The following SCGB2B2 variants were observed in gnomAD, a reference collection of about 807,000 sequenced individuals.
The protein encoded by SCGB2B2 is secretoglobin family 2B member 2.
In SCGB2B2, 11 loss-of-function variants were observed where a neutral mutation model predicts 7.6. The observed-to-expected ratio is 1.45, with a 90% CI of 0.91 to 2.40. The LOEUF (loss-of-function observed/expected upper bound fraction) is 2.40, where lower values mean the gene tolerates loss of function less well. Ranked by LOEUF, SCGB2B2 falls within the 30% of genes most tolerant of loss-of-function variation. The pLI, the probability that SCGB2B2 is intolerant of heterozygous loss-of-function variation, is 0.00. For synonymous variants in SCGB2B2, 50 were observed against 48.6 expected (o/e 1.03, Z -0.12); for missense variants, 104 against 115.4 (o/e 0.90, Z 0.45).
intron 1 of SCGB2B2, among the ~76,000 whole-genome samples, chr19:34,649,220 C>G (rs2067100353): frequency 1.3e-5 from 2 of 152,112 alleles, no homozygotes; most frequent in Non-Finnish European, 2.9e-5. Flanking sequence ...TCTTTCACAA[C>G]TAGGACTGAC....
chr19:34,606,047 A>AT (rs747523207), intron 1 of SCGB2B2, among the ~76,000 whole-genome samples: 6 of 150,144 alleles, frequency 4.0e-5, no homozygotes, highest in South Asian at 2.1e-4. Flanking sequence ...AGTTACTAAA[A>AT]TTTTTTTTTT....
rs924486826 is a variant in SCGB2B2 at position 34,653,677 on chromosome 19, T to C, written c.-2032+21953A>G. Among the ~76,000 whole-genome samples the C allele has an allele frequency of 2.1e-4, 31 of 151,112 alleles. 4 individuals are homozygous for C. Among genetic ancestry groups the C allele is most frequent in the African/African-American group, 6.7e-4 (27 of 40,504 alleles). On this transcript the variant is annotated intron_variant, in intron 1 of 3. Coordinates refer to ENST00000601241, the MANE Select transcript of SCGB2B2 (RefSeq NM_001025591.4). ...GAATAGTTCAACACATGCCAATGAATCAATATGACATTCCACATTAACAAA... is the reference window on the plus strand; with the variant it reads ...GAATAGTTCAACACATGCCAATGAACCAATATGACATTCCACATTAACAAA...
intron 1 of SCGB2B2, among the ~76,000 whole-genome samples, chr19:34,655,473 G>A (rs1568441463): frequency 6.6e-6 from 1 of 150,840 alleles, no homozygotes; most frequent in East Asian, 1.9e-4. Context: ...AGACCTGGAT[G>A]CCCCCCCAAC....
intron 1 of SCGB2B2, among the ~76,000 whole-genome samples, chr19:34,612,065 G>T (rs1353415363): frequency 2.1e-4 from 18 of 84,510 alleles, no homozygotes; most frequent in East Asian, 4.6e-4. Flanking sequence ...TTTTAGGATA[G>T]TCTCACTCTG....
rs903327856 is a variant in SCGB2B2 at position 34,592,957 on chromosome 19, G to C, written c.*598C>G. 6.6e-6 allele frequency among the ~76,000 whole-genome samples: 1 copy of C among 152,094 alleles called. No homozygotes were observed. The highest frequency in any genetic ancestry group is 2.4e-5 in the African/African-American group (1 of 41,422). On this transcript the variant is annotated 3_prime_UTR_variant, in exon 4 of 4. Coordinates refer to ENST00000601241, the MANE Select transcript of SCGB2B2 (RefSeq NM_001025591.4). ...TTGAGGGGTTGTGGGGTAGAGGTAG[G>C]GGGAGAAAAAAGGACAGCTTGGGTA...
intron 1 of SCGB2B2, among the ~76,000 whole-genome samples, chr19:34,608,457 C>A (rs1419699463): frequency 6.6e-6 from 1 of 150,804 alleles, no homozygotes; most frequent in East Asian, 2.0e-4. Context: ...ACCCCTCTCC[C>A]AAACTTTTCC....
At chr19:34,608,879 A>T (rs1031448476) in intron 1 of SCGB2B2, 3 of 151,286 alleles carry the variant, frequency 2.0e-5, no homozygotes, top group African/African-American at 7.3e-5. Context: ...TGGTAATTCT[A>T]TTTTTGTTTT....
chr19:34,596,930 G>A (rs1476922864), intron 1 of SCGB2B2, among the ~76,000 whole-genome samples: 3 of 151,948 alleles, frequency 2.0e-5, no homozygotes, highest in East Asian at 2.0e-4. Context: ...GCTGCAAGTG[G>A]AGCCAGCTGG....
chr19:34,636,843 G>C (rs7249277), intron 1 of SCGB2B2, among the ~76,000 whole-genome samples: 143,938 of 152,226 alleles, frequency 0.95, 68,445 homozygotes, highest in Middle Eastern at 0.99. Context: ...GCCAGTCCCC[G>C]CCAGAGTCCC....
chr19:34,608,664 T>TATATATATGC (rs2065845956), intron 1 of SCGB2B2: 1 of 50,618 alleles, frequency 2.0e-5, no homozygotes, highest in Admixed American at 1.8e-4. Context: ...TCATTGCATA[T>TATATATATGC]ATATATATAT....
chr19:34,647,821 T>G (rs2067062580), intron 1 of SCGB2B2, among the ~76,000 whole-genome samples: 1 of 152,144 alleles, frequency 6.6e-6, no homozygotes, highest in Admixed American at 6.5e-5. Context: ...GGAAATGTGA[T>G]CGGGTGGGAC....
rs1231627232 is a variant in SCGB2B2, at chr19:34,674,146, C to G, written c.-2032+1484G>C. 2.0e-5 allele frequency among the ~76,000 whole-genome samples: 3 copies of G among 152,306 alleles called. No homozygotes were observed. The East Asian group carries it at 5.8e-4, about 29-fold the overall frequency. The stretch of plus-strand genomic sequence containing the variant: ...CTCATAATGGGAAACCACCATAATT[C>G]TTCCAGTGAGATCATGAGGAAAAGC... On this transcript the variant is annotated intron_variant, in intron 1 of 3. Coordinates refer to ENST00000601241, the MANE Select transcript of SCGB2B2 (RefSeq NM_001025591.4).
chr19:34,671,857 A>T (rs1377279613), intron 1 of SCGB2B2, among the ~76,000 whole-genome samples: 1 of 152,136 alleles, frequency 6.6e-6, no homozygotes, highest in Admixed American at 6.5e-5. Context: ...CACAGATTCT[A>T]TGGGATTTTC....
At chr19:34,588,801 G>A (rs556240712), downstream of SCGB2B2, among the ~76,000 whole-genome samples, 20 of 152,174 alleles carry the variant, frequency 1.3e-4, no homozygotes, top group South Asian at 2.1e-3. Context: ...TGGGGTGACC[G>A]ATGGATGGAG....
At position 34,596,373 on chromosome 19, in the gene SCGB2B2, G is replaced by C. The variant is rs558243354; in HGVS notation, c.-1810C>G. The C allele has an allele frequency of 1.2e-4, 19 of 152,614 alleles. No homozygotes were observed. Among genetic ancestry groups the C allele is most frequent in the African/African-American group, 4.3e-4 (18 of 41,518 alleles). The allele number at this position is 152,614 out of a possible 1,614,324, so 9.5% of individuals were successfully genotyped here. A position where few individuals can be genotyped will look rare whatever the true frequency, so the allele number is the denominator to read the frequency against. On this transcript the variant is annotated 5_prime_UTR_variant, in exon 2 of 4. Transcript: ENST00000601241. Reference sequence around the variant, plus strand: ...CGCAGTGCAGGCGTCCATGCGTGCTGAGACTCTCAGCCGGCTCTGTGGCCT... The same window carrying C: ...CGCAGTGCAGGCGTCCATGCGTGCTCAGACTCTCAGCCGGCTCTGTGGCCT...
At chr19:34,589,636 A>C (rs1047831895), downstream of SCGB2B2, among the ~76,000 whole-genome samples, 6 of 152,134 alleles carry the variant, frequency 3.9e-5, no homozygotes, top group Non-Finnish European at 8.8e-5. Context: ...AGGGTTCCCC[A>C]CACAGGCTCA....
Position 34,594,785 on chromosome 19 carries a change from CAG to C in SCGB2B2, c.-224_-223del, listed in dbSNP as rs1185476222. On this transcript the variant is annotated 5_prime_UTR_variant, in exon 2 of 4. It introduces an in-frame stop codon into an upstream open reading frame of the 5' UTR. Transcript: ENST00000601241. ...GTGGCAGCGTATCGGGAACTGGACT[CAG>C]CATGCAGTGGGAGGGGTTGGGTGTT... is the stretch of plus-strand genomic sequence containing the variant. 1.7e-6 allele frequency: 1 copy of C among 580,666 alleles called. No homozygotes were observed. The highest frequency in any genetic ancestry group is 3.1e-6 in the Non-Finnish European group (1 of 317,952). The allele number at this position is 580,666 out of a possible 1,614,324, so 36.0% of individuals were successfully genotyped here. A position where few individuals can be genotyped will look rare whatever the true frequency, so the allele number is the denominator to read the frequency against.
At chr19:34,671,366 C>T (rs1346036465) in intron 1 of SCGB2B2, among the ~76,000 whole-genome samples, 3 of 152,132 alleles carry the variant, frequency 2.0e-5, no homozygotes, top group Non-Finnish European at 2.9e-5. Flanking sequence ...TTTTTGCTAA[C>T]ATTTTAAAGT....
Position 34,620,520 on chromosome 19 carries a change from G to GT in SCGB2B2, c.-2031-23927dup, listed in dbSNP as rs2066211873. Among the ~76,000 whole-genome samples, 4 of 134,060 alleles carry GT rather than the reference G, an allele frequency of 3.0e-5. No homozygotes were observed. In the South Asian group the frequency reaches 1.1e-3, roughly 36 times the overall value. The allele number at this position is 134,060 out of a possible 152,430, so 87.9% of individuals were successfully genotyped here. A position where few individuals can be genotyped will look rare whatever the true frequency, so the allele number is the denominator to read the frequency against. On this transcript the variant is annotated intron_variant, in intron 1 of 3. Coordinates refer to ENST00000601241, the MANE Select transcript of SCGB2B2 (RefSeq NM_001025591.4). Reference sequence around the variant, plus strand: ...AGGGTGGGGTACATCACACACCAGGGTGGGGGGAGGGGGGAGGGATTGCAT... The same window carrying GT: ...AGGGTGGGGTACATCACACACCAGGGTTGGGGGGAGGGGGGAGGGATTGCAT...
Sources: gnomAD v4.1 joint callset for allele counts (sites outside exome capture counted in the v4.1 genomes callset) on GRCh38, gnomAD v4.1.1 for gene constraint, MANE v1.5 for transcripts, NCBI Gene and HGNC (gene_info 2026-07-23, HGNC 2026-07-21) for gene names.